The following RAPGEF1 variants were observed in gnomAD, a reference collection of about 807,000 sequenced individuals.
RAPGEF1 encodes CRK SH3-binding GNRP.
A neutral mutation model predicts 143.3 loss-of-function variants in RAPGEF1; 33 were observed. That is an observed-to-expected ratio of 0.23 (90% CI 0.17 to 0.31). The LOEUF (loss-of-function observed/expected upper bound fraction) is 0.31, where lower values mean the gene tolerates loss of function less well. Among genes scored for constraint, RAPGEF1 ranks in the 10% least tolerant of loss-of-function variants. RAPGEF1 has a pLI of 1.00. For synonymous variants in RAPGEF1, 629 were observed against 676.5 expected, an observed-to-expected ratio of 0.93 and a Z score of 1.09; for missense variants, 1,199 against 1,645.4, an observed-to-expected ratio of 0.73 and a Z score of 4.69.
In RAPGEF1 at chr9:131,739,745, G is replaced by A. The variant is rs1469458769; in HGVS notation, c.61+25C>T. ...CCCCAGGGCCGGGCCCGGCCGGAGG[G>A]AGCCGCCCCACGCCCGCGCCTCACC... On this transcript the variant is annotated intron_variant, in intron 1 of 26. Coordinates refer to ENST00000683357, the MANE Select transcript of RAPGEF1 (RefSeq NM_001377935.1). 10 of 1,130,874 alleles carry A rather than the reference G, an allele frequency of 8.8e-6. No homozygotes were observed. In the African/African-American group the frequency reaches 1.3e-4, roughly 15 times the overall value. 70.1% of individuals were successfully genotyped at this position (1,130,874 alleles called of 1,614,324 possible). A position where few individuals can be genotyped will look rare whatever the true frequency, so the allele number is the denominator to read the frequency against.
chr9:131,612,414 G>A (rs987842296), intron 12 of RAPGEF1, among the ~76,000 whole-genome samples: 5 of 147,916 alleles, frequency 3.4e-5, no homozygotes, highest in African/African-American at 1.2e-4. Flanking sequence ...ACAACCAGGG[G>A]TTGGAAACAG....
At chr9:131,631,233 G>A (rs557370891) in intron 5 of RAPGEF1, among the ~76,000 whole-genome samples, 119 of 152,286 alleles carry the variant, frequency 7.8e-4, no homozygotes, top group Non-Finnish European at 1.4e-3. Flanking sequence ...CCCATTTAAA[G>A]TGTACGATTC....
intron 25 of RAPGEF1, among the ~76,000 whole-genome samples, chr9:131,581,266 T>C (rs1951828475): frequency 6.6e-6 from 1 of 152,034 alleles, no homozygotes; most frequent in South Asian, 2.1e-4. Context: ...TGGTGGCGTG[T>C]ACCTGTAATC....
chr9:131,724,674 G>A (rs1048512441), intron 1 of RAPGEF1, among the ~76,000 whole-genome samples: 1 of 152,172 alleles, frequency 6.6e-6, no homozygotes, highest in African/African-American at 2.4e-5. Context: ...ATCCAAGGAA[G>A]GCTAAAGATG....
chr9:131,588,579 C>A (rs1442013635), intron 20 of RAPGEF1, among the ~76,000 whole-genome samples: 3 of 152,192 alleles, frequency 2.0e-5, no homozygotes, highest in African/African-American at 7.2e-5. Context: ...AAGCCCCATG[C>A]CCTGCTGCCC....
At chr9:131,663,837 T>C (rs890988336) in intron 1 of RAPGEF1, among the ~76,000 whole-genome samples, 2 of 152,222 alleles carry the variant, frequency 1.3e-5, no homozygotes, top group African/African-American at 4.8e-5. Context: ...TGTACTGCAA[T>C]TTGAGATTTT....
chr9:131,598,684 T>C (rs1453553240), intron 15 of RAPGEF1: 4 of 404,214 alleles, frequency 9.9e-6, no homozygotes, highest in South Asian at 5.6e-5. Context: ...GCATTGCTCT[T>C]GAGGCTGCTC....
Position 131,630,304 on chromosome 9 carries a change from G to C in RAPGEF1, c.672C>G (p.Ile224Met). 1 of 1,613,788 alleles carries C rather than the reference G, an allele frequency of 6.2e-7. No individual in the cohort carries two copies. The highest frequency in any genetic ancestry group is 8.5e-7 in the Non-Finnish European group (1 of 1,179,834). The part of the protein sequence containing the change: ...DGVKELVRLT[I>M]EKQGRPSPTS... ...TCGGAGACGGACGTCCCTGCTTCTC[G>C]ATGGTGAGCCTGACCAGCTCCTACC... The change falls in exon 6 of 27, where the codon ATC becomes ATG. Residue 224 changes from isoleucine to methionine, a missense_variant. By Grantham distance (10) the Ile-to-Met change is conservative. This residue lies in a region of RAPGEF1 where 613 missense variants were observed against 710.9 expected (regional missense o/e 0.86). Coordinates refer to ENST00000683357, the MANE Select transcript of RAPGEF1 (RefSeq NM_001377935.1).
intron 20 of RAPGEF1, among the ~76,000 whole-genome samples, chr9:131,588,551 C>G (rs946678944): frequency 3.3e-4 from 51 of 152,330 alleles, no homozygotes; most frequent in African/African-American, 1.1e-3. Flanking sequence ...GGTGTGTGCA[C>G]TCCTGCCCTG....
At position 131,626,328 on chromosome 9, in the gene RAPGEF1, T is replaced by C. The variant is rs200912714; in HGVS notation, c.1296A>G (p.Pro432=). ...QQTAWNLSPL[P]ESLGESGSPF... ...GAGACCCAGACTCCCCCAAAGACTC[T>C]GGCAACGGGCTAAGGTTCCAGGCCG... is the stretch of plus-strand genomic sequence containing the variant. The change falls in exon 10 of 27, where the codon CCA becomes CCG. Residue 432 remains proline, a synonymous_variant. Coordinates refer to ENST00000683357, the MANE Select transcript of RAPGEF1 (RefSeq NM_001377935.1). 9.3e-6 allele frequency: 15 copies of C among 1,613,968 alleles called. No individual in the cohort carries two copies. In the East Asian group the frequency reaches 2.9e-4, roughly 31 times the overall value.
At position 131,650,070 on chromosome 9, in the gene RAPGEF1, G is replaced by C. The variant is rs1970701960; in HGVS notation, c.315+59C>G. The C allele has an allele frequency of 7.2e-7, 1 of 1,390,018 alleles. No individual in the cohort carries two copies. Among genetic ancestry groups the C allele is most frequent in the Non-Finnish European group, 1.0e-6 (1 of 995,100 alleles). 86.1% of individuals were successfully genotyped at this position (1,390,018 alleles called of 1,614,324 possible). A position where few individuals can be genotyped will look rare whatever the true frequency, so the allele number is the denominator to read the frequency against. On this transcript the variant is annotated intron_variant, in intron 3 of 26. Transcript: ENST00000683357. The surrounding 1 kb of genome is among the most constrained non-coding windows in gnomAD (Gnocchi z 4.7). ...AGTTTTTTCCATCCCCAAAACCATG[G>C]ACCAGGATTCTGCAGTAGAAGGCAA... is the stretch of plus-strand genomic sequence containing the variant.
intron 10 of RAPGEF1, among the ~76,000 whole-genome samples, chr9:131,623,781 C>T (rs922274493): frequency 6.6e-6 from 1 of 152,210 alleles, no homozygotes; most frequent in Non-Finnish European, 1.5e-5. Context: ...GGCTGGGGAC[C>T]CTCACGATGT....
chr9:131,723,904 C>G (rs1020023098), intron 1 of RAPGEF1, among the ~76,000 whole-genome samples: 1 of 152,198 alleles, frequency 6.6e-6, no homozygotes, highest in African/African-American at 2.4e-5. Context: ...CAACAGCGCA[C>G]AAGTGTTCAG....
intron 20 of RAPGEF1, among the ~76,000 whole-genome samples, chr9:131,588,248 G>C (rs1953533122): frequency 6.6e-6 from 1 of 152,226 alleles, no homozygotes; most frequent in Non-Finnish European, 1.5e-5. Flanking sequence ...CTTCTGCTGG[G>C]TATGTCCAGC....
chr9:131,603,881 G>A (rs530322637), intron 14 of RAPGEF1, 80 bp downstream of exon 14: 65 of 699,548 alleles, frequency 9.3e-5, no homozygotes, highest in South Asian at 6.2e-4. Context: ...AAGCAGGTGC[G>A]GGGGAAGCGG....
chr9:131,720,896 C>T (rs7875167), intron 1 of RAPGEF1, among the ~76,000 whole-genome samples: 136,638 of 152,304 alleles, frequency 0.9, 61,444 homozygotes, highest in African/African-American at 0.95. Flanking sequence ...ACTAATATCC[C>T]TTTTATCCAT....
At chr9:131,666,636 C>T (rs570349300) in intron 1 of RAPGEF1, among the ~76,000 whole-genome samples, 102 of 152,274 alleles carry the variant, frequency 6.7e-4, no homozygotes, top group African/African-American at 2.3e-3. Context: ...CTGCCCACCT[C>T]AGCCTCCCTA....
Position 131,643,355 on chromosome 9 carries a change from G to A in RAPGEF1, c.378C>T (p.Thr126=). The change falls in exon 4 of 27, where the codon ACC becomes ACT. Residue 126 remains threonine, a synonymous_variant. Transcript: ENST00000683357. Reference sequence around the variant, plus strand: ...TATCAATTGCCATTTTGTCCACAATGGTCTTAAAGTAGCGCAGGGCACTGA... The same window carrying A: ...TATCAATTGCCATTTTGTCCACAATAGTCTTAAAGTAGCGCAGGGCACTGA... ...EVVSALRYFK[T]IVDKMAIDKK... 6.2e-7 allele frequency: 1 copy of A among 1,613,826 alleles called. No homozygotes were observed. Among genetic ancestry groups the A allele is most frequent in the East Asian group, 2.2e-5 (1 of 44,886 alleles).
chr9:131,737,107 CA>C (rs1174441797), intron 1 of RAPGEF1, among the ~76,000 whole-genome samples: 1 of 152,184 alleles, frequency 6.6e-6, no homozygotes, highest in African/African-American at 2.4e-5. Context: ...TGAACTGCAG[CA>C]AAAGACCTTC....
Sources: allele counts gnomAD v4.1 joint callset (sites outside exome capture counted in the v4.1 genomes callset), GRCh38; gene constraint gnomAD v4.1.1; regional missense constraint gnomAD v4.1.1; non-coding constraint Gnocchi (gnomAD v3.1); transcripts MANE v1.5; gene names NCBI Gene and HGNC (gene_info 2026-07-23, HGNC 2026-07-21).